RTL4: variants seen among roughly 807,000 people sequenced by gnomAD.
RTL4 encodes the protein retrotransposon Gag like 4, also known as retrotransposon Gag-like protein 4.
RTL4 carries 4 observed loss-of-function variants against 5.3 expected under a neutral mutation model. The ratio of observed to expected loss-of-function variants is 0.75; its 90% confidence interval spans 0.37 to 1.72. The LOEUF (loss-of-function observed/expected upper bound fraction) is 1.72. Among genes scored for constraint, RTL4 ranks in the 40% most tolerant of loss-of-function variants. RTL4 has a pLI of 0.04. For synonymous variants in RTL4, 98 were observed against 87.3 expected (o/e 1.12, Z -0.68); for missense variants, 260 against 227.1 (o/e 1.14, Z -0.93).
chrX:112,390,715 G>A, the RTL4 span, among the ~76,000 whole-genome samples: 1 of 110,795 alleles, frequency 9.0e-6, no homozygotes, highest in Non-Finnish European at 1.9e-5. Flanking sequence ...CCCTTTGTCA[G>A]TGACCTGTCC....
the RTL4 span, among the ~76,000 whole-genome samples, chrX:112,177,077 A>G: frequency 9.0e-6 from 1 of 110,799 alleles, no homozygotes; most frequent in Non-Finnish European, 1.9e-5. Context: ...CCGAATGGAC[A>G]AAAAGTGTCT....
At chrX:112,402,426 G>GTA in the RTL4 span, among the ~76,000 whole-genome samples, 2 of 108,968 alleles carry the variant, frequency 1.8e-5, no homozygotes, top group Admixed American at 2.0e-4. Flanking sequence ...GTGTGTGTGT[G>GTA]TGTGTGTGTG....
the RTL4 span, among the ~76,000 whole-genome samples, chrX:112,111,739 G>T: frequency 1.4e-3 from 159 of 112,362 alleles, no homozygotes; most frequent in Middle Eastern, 4.6e-3. Flanking sequence ...GGCATAACCT[G>T]CCTTTCATAT....
At chrX:112,406,187 G>C in the RTL4 span, among the ~76,000 whole-genome samples, 1 of 111,646 alleles carries the variant, frequency 9.0e-6, no homozygotes, top group Non-Finnish European at 1.9e-5. Flanking sequence ...TCCTAGTGCT[G>C]AACTGGCCTC....
chrX:112,095,894 G>A, the RTL4 span, among the ~76,000 whole-genome samples: 3 of 111,996 alleles, frequency 2.7e-5, no homozygotes, highest in South Asian at 7.5e-4. Context: ...GATTTGGTGT[G>A]TAGAGGAAGT....
the RTL4 span, among the ~76,000 whole-genome samples, chrX:112,205,992 T>C: frequency 3.6e-5 from 4 of 112,275 alleles, no homozygotes; most frequent in Middle Eastern, 4.6e-3. Context: ...TTTAAATGTT[T>C]GCACACAGTT....
the RTL4 span, among the ~76,000 whole-genome samples, chrX:112,303,129 G>A: frequency 1.8e-5 from 2 of 111,616 alleles, no homozygotes; most frequent in Non-Finnish European, 3.8e-5. Context: ...CGTGGTCCAC[G>A]TAGACCACAT....
the RTL4 span, among the ~76,000 whole-genome samples, chrX:112,366,684 T>C: frequency 8.9e-6 from 1 of 112,452 alleles, no homozygotes; most frequent in African/African-American, 3.2e-5. Context: ...CCCTATTTTT[T>C]TGTATCCACA....
At chrX:112,226,734 AC>A in the RTL4 span, among the ~76,000 whole-genome samples, 1 of 110,152 alleles carries the variant, frequency 9.1e-6, no homozygotes, top group African/African-American at 3.3e-5. Context: ...CCTACACCAG[AC>A]AAATGTCATT....
At chrX:112,396,528 G>A in the RTL4 span, among the ~76,000 whole-genome samples, 6 of 110,680 alleles carry the variant, frequency 5.4e-5, no homozygotes, top group Non-Finnish European at 1.1e-4. Context: ...TGGCCACCTT[G>A]TTCTGACCCT....
chrX:112,358,251 C>A, the RTL4 span, among the ~76,000 whole-genome samples: 3 of 107,125 alleles, frequency 2.8e-5, no homozygotes, highest in Non-Finnish European at 5.8e-5. Flanking sequence ...TAGGCATGTG[C>A]CACCATGGCC....
the RTL4 span, among the ~76,000 whole-genome samples, chrX:112,190,139 CCTTTCTTTCTTTCTTTCTTTCTTTCTTT>C: frequency 4.6e-3 from 357 of 77,150 alleles, 7 homozygotes; most frequent in African/African-American, 0.016. Context: ...GTAGCCTGTC[CCTTTCTTTCTTTCTTTCTTTCTTTCTTT>C]CTTTCTTTCT....
chrX:112,366,695 C>A, the RTL4 span, among the ~76,000 whole-genome samples: 14 of 112,318 alleles, frequency 1.2e-4, no homozygotes, highest in African/African-American at 4.5e-4. Context: ...TGTATCCACA[C>A]TCCACAGGTT....
chrX:112,135,334 A>G, the RTL4 span, among the ~76,000 whole-genome samples: 1,462 of 111,717 alleles, frequency 0.013, 24 homozygotes, highest in African/African-American at 0.044. Context: ...TGTACTTATC[A>G]GTCATCTGTA....
the RTL4 span, among the ~76,000 whole-genome samples, chrX:112,292,968 G>A: frequency 8.9e-6 from 1 of 111,804 alleles, no homozygotes; most frequent in Admixed American, 9.5e-5. Context: ...TGTAAAGCAG[G>A]CACCTTTGCT....
At chrX:112,240,054 G>A in the RTL4 span, among the ~76,000 whole-genome samples, 1 of 111,920 alleles carries the variant, frequency 8.9e-6, no homozygotes, top group South Asian at 3.7e-4. Flanking sequence ...ATGCTTCAAT[G>A]AGCATTAACA....
the RTL4 span, among the ~76,000 whole-genome samples, chrX:112,325,799 A>G: frequency 8.9e-6 from 1 of 112,465 alleles, no homozygotes; most frequent in African/African-American, 3.2e-5. Context: ...AAATTCACAA[A>G]TGGGATCTAA....
At chrX:112,366,466 G>T in the RTL4 span, among the ~76,000 whole-genome samples, 1 of 111,372 alleles carries the variant, frequency 9.0e-6, no homozygotes, top group East Asian at 2.8e-4. Context: ...CTTCCCCTGG[G>T]GAGAGATGAA....
chrX:112,106,680 A>AT, the RTL4 span, among the ~76,000 whole-genome samples: 111 of 110,809 alleles, frequency 1.0e-3, no homozygotes, highest in Non-Finnish European at 1.7e-3. Context: ...TCCATTTGTT[A>AT]TTTTTTGTTT....
Sources: allele counts gnomAD v4.1 joint callset (sites outside exome capture counted in the v4.1 genomes callset), GRCh38; gene constraint gnomAD v4.1.1; transcripts MANE v1.5; gene names NCBI Gene and HGNC (gene_info 2026-07-23, HGNC 2026-07-21).